Variants in VPS53 observed in about 807,000 individuals in gnomAD.
VPS53 encodes the protein vacuolar protein sorting-associated protein 53 homolog.
A neutral mutation model predicts 107.0 loss-of-function variants in VPS53; 70 were observed. The ratio of observed to expected loss-of-function variants is 0.65; its 90% CI spans 0.54 to 0.80. The LOEUF (loss-of-function observed/expected upper bound fraction) is 0.80, where lower values mean the gene tolerates loss of function less well. Ranked by LOEUF, VPS53 falls within the 30% of genes least tolerant of loss-of-function variation. The probability of loss-of-function intolerance (pLI) is 0.00; values close to 1 mark genes in which losing one functional copy is unlikely to be tolerated. For synonymous variants in VPS53, 409 were observed against 393.3 expected, an observed-to-expected ratio of 1.04 and a Z score of -0.47; for missense variants, 917 against 1,049.4, an observed-to-expected ratio of 0.87 and a Z score of 1.74.
chr17:687,961 C>T (rs1352303736), intron 4 of VPS53, among the ~76,000 whole-genome samples: 8 of 152,122 alleles, frequency 5.3e-5, no homozygotes, highest in Admixed American at 5.2e-4. Context: ...AGATATCTAA[C>T]TACACCAATC....
chr17:522,792 C>G (rs1313661265), intron 19 of VPS53: 1 of 152,222 alleles, frequency 6.6e-6, no homozygotes, highest in Non-Finnish European at 1.5e-5. Flanking sequence ...GTCCTAAAGG[C>G]TCACTGACTG....
At position 519,737 on chromosome 17, in the gene VPS53, C is replaced by A. The variant is rs866599663; in HGVS notation, c.2328+89G>T. 209 of 981,772 alleles carry A rather than the reference C, an allele frequency of 2.1e-4. No individual in the cohort carries two copies. The Middle Eastern group carries it at 2.8e-3, about 13-fold the overall frequency. 60.8% of individuals were successfully genotyped at this position (981,772 alleles called of 1,614,324 possible). On this transcript the variant is annotated intron_variant, in intron 21 of 21. Coordinates refer to ENST00000437048, the MANE Select transcript of VPS53 (RefSeq NM_001128159.3). The surrounding 1 kb of genome is among the most constrained non-coding windows in gnomAD (Gnocchi z 5.0). ...CCAGGCACATGCATTTTGAGAAAGC[C>A]CCCCCGGAACTTATATCCCAATTCC... is the stretch of plus-strand genomic sequence containing the variant.
At chr17:626,824 T>C (rs944544108) in intron 10 of VPS53, among the ~76,000 whole-genome samples, 2 of 151,994 alleles carry the variant, frequency 1.3e-5, no homozygotes, top group African/African-American at 4.8e-5. Context: ...AGTCAGAAAA[T>C]AAAAATGATG....
chr17:659,050 A>G (rs891611875), intron 5 of VPS53, among the ~76,000 whole-genome samples: 1 of 152,110 alleles, frequency 6.6e-6, no homozygotes, highest in African/African-American at 2.4e-5. Context: ...AAAAAAAAAA[A>G]AAGGTTAAGA....
chr17:630,629 A>T (rs1284225085), intron 8 of VPS53, among the ~76,000 whole-genome samples: 1 of 152,250 alleles, frequency 6.6e-6, no homozygotes, highest in Non-Finnish European at 1.5e-5. Context: ...GATGGGCAAA[A>T]GCTGGGGCCG....
intron 5 of VPS53, chr17:657,187 G>C: frequency 1.3e-6 from 2 of 1,527,964 alleles, no homozygotes; most frequent in Middle Eastern, 1.7e-4. Context: ...GATTCCTTTT[G>C]TGCCCACAAA....
chr17:624,623 G>T (rs1969611873), intron 10 of VPS53, among the ~76,000 whole-genome samples: 1 of 152,226 alleles, frequency 6.6e-6, no homozygotes, highest in Non-Finnish European at 1.5e-5. Context: ...AAGCTTGGCA[G>T]CAACACTGCC....
chr17:589,598 T>C (rs1597348979), intron 12 of VPS53, among the ~76,000 whole-genome samples: 1 of 152,146 alleles, frequency 6.6e-6, no homozygotes, highest in African/African-American at 2.4e-5. Context: ...TTTCTCTTAG[T>C]TTGACATTAT....
chr17:654,483 A>C (rs1971092179), intron 6 of VPS53, among the ~76,000 whole-genome samples: 2 of 151,784 alleles, frequency 1.3e-5, no homozygotes, highest in Non-Finnish European at 2.9e-5. Flanking sequence ...TCAAGCCTGT[A>C]ATCCCAGCAC....
intron 17 of VPS53, chr17:551,631 C>G (rs541035698): frequency 3.5e-6 from 1 of 286,114 alleles, no homozygotes; most frequent in East Asian, 5.9e-5. Context: ...TTTACTTCGT[C>G]TCTTTTTTTT....
intron 11 of VPS53, chr17:615,888 T>C (rs1036445321): frequency 6.6e-6 from 1 of 152,110 alleles, no homozygotes; most frequent in African/African-American, 2.4e-5. Flanking sequence ...GTGCTTTGCG[T>C]TGGGAGCATG....
intron 6 of VPS53, among the ~76,000 whole-genome samples, chr17:655,591 G>A (rs1393953802): frequency 1.3e-5 from 2 of 152,282 alleles, no homozygotes; most frequent in East Asian, 1.9e-4. Context: ...CCTGAAGATG[G>A]GCCATATTCT....
chr17:532,610 T>C (rs1046919700), intron 19 of VPS53: 40 of 1,076,676 alleles, frequency 3.7e-5, no homozygotes, highest in Non-Finnish European at 3.9e-5. Context: ...GACCTTTCCA[T>C]GGTGCTTGCT....
Position 591,720 on chromosome 17 carries a change from T to C in VPS53, c.1219-5356A>G, listed in dbSNP as rs543317491. 3.9e-3 allele frequency among the ~76,000 whole-genome samples: 591 copies of C among 152,352 alleles called. 3 individuals carry two copies. Among genetic ancestry groups the C allele is most frequent in the Middle Eastern group, 0.014 (4 of 294 alleles). On this transcript the variant is annotated intron_variant, in intron 12 of 21. Coordinates refer to ENST00000437048, the MANE Select transcript of VPS53 (RefSeq NM_001128159.3). The stretch of plus-strand genomic sequence containing the variant: ...GAGATTCTTAATCCAGAGTTCTAGT[T>C]TGATTGCACTGTGGTCTGAGAGATA...
intron 4 of VPS53, among the ~76,000 whole-genome samples, chr17:695,073 C>A (rs2143893762): frequency 6.6e-6 from 1 of 152,284 alleles, no homozygotes; most frequent in East Asian, 1.9e-4. Flanking sequence ...AGATACAGTT[C>A]TTACCTTCCA....
intron 4 of VPS53, among the ~76,000 whole-genome samples, chr17:694,199 TA>T: frequency 6.6e-6 from 1 of 152,346 alleles, no homozygotes; most frequent in Middle Eastern, 3.4e-3. Flanking sequence ...AGGAGACGAA[TA>T]CAAAGTTCCA....
intron 4 of VPS53, among the ~76,000 whole-genome samples, chr17:672,699 T>TA (rs2143715907): frequency 6.6e-6 from 1 of 152,376 alleles, no homozygotes; most frequent in Non-Finnish European, 1.5e-5. Flanking sequence ...GAGTGCCTAT[T>TA]ACATGTACTG....
At chr17:568,640 T>C (rs1597315425) in intron 13 of VPS53, among the ~76,000 whole-genome samples, 1 of 152,170 alleles carries the variant, frequency 6.6e-6, no homozygotes, top group South Asian at 2.1e-4. Context: ...GTGTGGCCAG[T>C]GGGGCTGGGG....
At chr17:642,526 T>G (rs1173913251) in intron 7 of VPS53, among the ~76,000 whole-genome samples, 2 of 149,752 alleles carry the variant, frequency 1.3e-5, no homozygotes, top group African/African-American at 4.9e-5. Context: ...CACTCATACT[T>G]GGAAAGCGAG....
Sources: gnomAD v4.1 joint callset for allele counts (sites outside exome capture counted in the v4.1 genomes callset) on GRCh38, gnomAD v4.1.1 for gene constraint, Gnocchi (gnomAD v3.1) non-coding constraint, MANE v1.5 for transcripts, NCBI Gene and HGNC (gene_info 2026-07-23, HGNC 2026-07-21) for gene names.